The following GSKIP variants were observed in gnomAD, a reference collection of about 807,000 sequenced individuals.
The protein encoded by GSKIP is GSK3B interacting protein, also known as GSK3B-interacting protein.
Under a neutral mutation model 11.9 loss-of-function variants are expected in GSKIP, and 5 were observed. The observed-to-expected ratio is 0.42, with a 90% confidence interval of 0.22 to 0.89. GSKIP has a LOEUF of 0.89. GSKIP is among the 40% of genes least tolerant of loss of function. The probability of loss-of-function intolerance (pLI) is 0.29; values close to 1 mark genes in which losing one functional copy is unlikely to be tolerated. For missense variants in GSKIP, 150 were observed against 166.6 expected (o/e 0.90, Z 0.55); for synonymous variants, 70 against 62.9 (o/e 1.11, Z -0.54).
intron 2 of GSKIP, chr14:96,380,344 G>C (rs1889312326): frequency 6.6e-6 from 1 of 152,206 alleles, no homozygotes; most frequent in Non-Finnish European, 1.5e-5. Flanking sequence ...CATTCAGCAA[G>C]TAGTTCTGAC....
chr14:96,371,309 G>A (rs1206873718), intron 1 of GSKIP, among the ~76,000 whole-genome samples: 1 of 152,034 alleles, frequency 6.6e-6, no homozygotes, highest in Non-Finnish European at 1.5e-5. Context: ...CTAAGAAAAA[G>A]ATTTCTGCTT....
chr14:96,385,904 A>T lies in GSKIP; in HGVS notation c.*220A>T, dbSNP rs1595354173. 1 of 464,206 alleles carries T rather than the reference A, an allele frequency of 2.2e-6. No homozygotes were observed. Among genetic ancestry groups the T allele is most frequent in the Non-Finnish European group, 3.9e-6 (1 of 258,002 alleles). The allele number at this position is 464,206 out of a possible 1,614,324, so 28.8% of individuals were successfully genotyped here. A position where few individuals can be genotyped will look rare whatever the true frequency, so the allele number is the denominator to read the frequency against. Reference sequence around the variant, plus strand: ...GGCCGTTGCTATGATACCATCATTAAGACATTCACATGTCTTCATATAATA... The same window carrying T: ...GGCCGTTGCTATGATACCATCATTATGACATTCACATGTCTTCATATAATA... On this transcript the variant is annotated 3_prime_UTR_variant, in exon 4 of 4. Transcript: ENST00000555181.
chr14:96,365,018 T>G (rs1007764689), intron 1 of GSKIP: 6 of 152,030 alleles, frequency 3.9e-5, no homozygotes, highest in Non-Finnish European at 5.9e-5. Flanking sequence ...GGAAGTTTGT[T>G]CATTTATTCA....
intron 2 of GSKIP, among the ~76,000 whole-genome samples, chr14:96,381,424 G>A (rs1452594187): frequency 6.6e-6 from 1 of 152,168 alleles, no homozygotes; most frequent in Non-Finnish European, 1.5e-5. Context: ...AATTCCAGAT[G>A]GATGAGTTAA....
chr14:96,372,983 C>T (rs1889091783), intron 1 of GSKIP, among the ~76,000 whole-genome samples: 1 of 151,932 alleles, frequency 6.6e-6, no homozygotes, highest in Admixed American at 6.5e-5. Context: ...GTAATCCCAA[C>T]ACTTGGGAGG....
At chr14:96,374,243 A>G (rs1889136397) in intron 1 of GSKIP, among the ~76,000 whole-genome samples, 2 of 152,202 alleles carry the variant, frequency 1.3e-5, no homozygotes, top group Admixed American at 1.3e-4. Flanking sequence ...TTCAAAATGA[A>G]ACAGTGAAAA....
chr14:96,371,419 A>C (rs1428913303), intron 1 of GSKIP, among the ~76,000 whole-genome samples: 1 of 151,358 alleles, frequency 6.6e-6, no homozygotes, highest in Non-Finnish European at 1.5e-5. Context: ...TTAGAATATT[A>C]AAAAATTAAA....
At chr14:96,379,951 CAA>C (rs1889302551) in intron 2 of GSKIP, 163 bp downstream of exon 2, 1 of 152,056 alleles carries the variant, frequency 6.6e-6, no homozygotes, top group African/African-American at 2.4e-5. Flanking sequence ...TTCATGATGT[CAA>C]GAGATTTATA....
chr14:96,385,077 T>C (rs1402555574), intron 3 of GSKIP, among the ~76,000 whole-genome samples: 1 of 152,162 alleles, frequency 6.6e-6, no homozygotes, highest in African/African-American at 2.4e-5. Flanking sequence ...GAAAAAAATA[T>C]GAACTAATGA....
chr14:96,380,962 T>C (rs530908579), intron 2 of GSKIP, among the ~76,000 whole-genome samples: 1 of 152,294 alleles, frequency 6.6e-6, no homozygotes, highest in East Asian at 1.9e-4. Flanking sequence ...CCCAAGTAGA[T>C]AGGAAATGAA....
At chr14:96,382,107 A>T in intron 2 of GSKIP, 140 bp from the exon 3 acceptor site, 1 of 537,480 alleles carries the variant, frequency 1.9e-6, no homozygotes, top group Non-Finnish European at 3.2e-6. Context: ...ATGTTTTTAG[A>T]TAGTATTTTT....
chr14:96,368,584 C>T (rs1888961887), intron 1 of GSKIP, among the ~76,000 whole-genome samples: 1 of 152,194 alleles, frequency 6.6e-6, no homozygotes, highest in Non-Finnish European at 1.5e-5. Context: ...TATGGTTTGG[C>T]CCCACCAAGC....
In GSKIP at chr14:96,385,636, C is replaced by T. The variant is rs1295946209; in HGVS notation, c.372C>T (p.Asn124=). 15 of 1,613,288 alleles carry T rather than the reference C, an allele frequency of 9.3e-6. No individual in the cohort carries two copies. Among genetic ancestry groups the T allele is most frequent in the South Asian group, 6.6e-5 (6 of 91,040 alleles). ...CCGCCTACCGAGAAGCATTTGGAAACGCACTGCTTCAAAGACTGGAAGCTT... is the reference window on the plus strand; with the variant it reads ...CCGCCTACCGAGAAGCATTTGGAAATGCACTGCTTCAAAGACTGGAAGCTT... ...LSPAYREAFG[N]ALLQRLEALK... Residue 124 remains asparagine (N), a synonymous_variant, in exon 4 of 4, where the codon AAC becomes AAT. Transcript: ENST00000555181.
At chr14:96,379,239 G>A (rs894535006) in intron 1 of GSKIP, among the ~76,000 whole-genome samples, 1 of 152,186 alleles carries the variant, frequency 6.6e-6, no homozygotes, top group African/African-American at 2.4e-5. Flanking sequence ...GGGAGGCAGA[G>A]GTTGCAGTGA....
intron 1 of GSKIP, among the ~76,000 whole-genome samples, chr14:96,378,538 A>C (rs1406102233): frequency 1.3e-5 from 2 of 152,220 alleles, no homozygotes; most frequent in Admixed American, 6.5e-5. Context: ...TCTCATCTCC[A>C]GAACTGTAAG....
intron 2 of GSKIP, chr14:96,380,041 G>T (rs939877839): frequency 6.6e-5 from 10 of 152,058 alleles, no homozygotes; most frequent in Admixed American, 2.0e-4. Flanking sequence ...ATATAATCTT[G>T]AGCAGTATAC....
Position 96,385,508 on chromosome 14 carries a change from G to T in GSKIP, c.259-15G>T. 6.3e-7 allele frequency: 1 copy of T among 1,595,970 alleles called. No individual in the cohort carries two copies. Among genetic ancestry groups the T allele is most frequent in the East Asian group, 2.3e-5 (1 of 44,296 alleles). ...CATGAAAACTAATGAATTCACTGTT[G>T]CATTTCTCTTGTAGGTGGTAGGCTA... is the stretch of plus-strand genomic sequence containing the variant. On this transcript the variant is annotated splice_polypyrimidine_tract_variant and intron_variant, in intron 3 of 3. Transcript: ENST00000555181.
At chr14:96,378,209 C>T (rs1433925063) in intron 1 of GSKIP, among the ~76,000 whole-genome samples, 8 of 152,018 alleles carry the variant, frequency 5.3e-5, no homozygotes, top group Admixed American at 5.2e-4. Context: ...ATAGAATCAC[C>T]CGGACCTGAT....
Position 96,371,470 on chromosome 14 carries a change from AGTCTCACTCT to A in GSKIP, c.-103+7906_-103+7915del, listed in dbSNP as rs560910081. 7.3e-3 allele frequency among the ~76,000 whole-genome samples: 981 copies of A among 135,118 alleles called. 5 individuals carry two copies. Among genetic ancestry groups the A allele is most frequent in the Non-Finnish European group, 0.011 (723 of 64,828 alleles). 88.6% of individuals were successfully genotyped at this position (135,118 alleles called of 152,430 possible). On this transcript the variant is annotated intron_variant, in intron 1 of 3. Coordinates refer to ENST00000555181, the MANE Select transcript of GSKIP (RefSeq NM_016472.5). ...TTTTTTTTTTTTTTTTTTGAGACAG[AGTCTCACTCT>A]GTCACCCAGGCTGGAGTACACTGGT... is the stretch of plus-strand genomic sequence containing the variant.
Sources: allele counts gnomAD v4.1 joint callset (sites outside exome capture counted in the v4.1 genomes callset), GRCh38; gene constraint gnomAD v4.1.1; transcripts MANE v1.5; gene names NCBI Gene and HGNC (gene_info 2026-07-23, HGNC 2026-07-21).